CFAP47: variants seen among roughly 807,000 people sequenced by gnomAD.
CFAP47 encodes the protein cilia and flagella associated protein 47, also known as cilia- and flagella-associated protein 47.
A neutral mutation model predicts 148.1 loss-of-function variants in CFAP47; 29 were observed. The observed-to-expected ratio is 0.20, with a 90% CI of 0.15 to 0.27. The LOEUF is 0.27. Ranked by LOEUF, CFAP47 falls within the 10% of genes least tolerant of loss-of-function variation. The pLI is 1.00. For synonymous variants in CFAP47, 664 were observed against 577.3 expected (o/e 1.15, Z -2.15); for missense variants, 1,872 against 1,697.5 (o/e 1.10, Z -1.81).
intron 48 of CFAP47, among the ~76,000 whole-genome samples, chrX:36,237,863 G>T (rs1555995036): frequency 9.0e-6 from 1 of 110,543 alleles, no homozygotes; most frequent in Non-Finnish European, 1.9e-5. Context: ...TGCTTTTTTT[G>T]TAACCCTGAT....
In CFAP47 at chrX:36,172,785, C is replaced by T. The variant is rs773685468; in HGVS notation, c.6027-6560C>T. On this transcript the variant is annotated intron_variant, in intron 39 of 63. Transcript: ENST00000378653. ...CTTTTTTGGTTGTGTCTCTGCCCGG[C>T]TTTGGTATCAGGATGATGCTGGCCT... 7.6e-3 allele frequency among the ~76,000 whole-genome samples: 852 copies of T among 111,503 alleles called. 9 individuals are homozygous for T. Among genetic ancestry groups the T allele is most frequent in the African/African-American group, 0.027 (819 of 30,657 alleles).
intron 34 of CFAP47, 143 bp downstream of exon 34, chrX:36,138,198 C>T (rs2146830831): frequency 1.6e-6 from 1 of 634,756 alleles, no homozygotes; most frequent in Non-Finnish European, 2.2e-6. Context: ...GCCAGCACTA[C>T]CTTTTTGTTT....
chrX:36,247,553 C>T (rs1940632067), intron 48 of CFAP47, among the ~76,000 whole-genome samples: 1 of 111,274 alleles, frequency 9.0e-6, no homozygotes, highest in African/African-American at 3.3e-5. Flanking sequence ...TAGGTGCATA[C>T]TGGAAAAATA....
At chrX:36,131,168 A>C (rs1205398435) in intron 33 of CFAP47, among the ~76,000 whole-genome samples, 1 of 110,985 alleles carries the variant, frequency 9.0e-6, no homozygotes, top group Non-Finnish European at 1.9e-5. Flanking sequence ...AAAACATCTC[A>C]TGTACCCCAT....
intron 21 of CFAP47, among the ~76,000 whole-genome samples, chrX:36,011,977 G>A (rs1237510682): frequency 1.8e-5 from 2 of 111,228 alleles, no homozygotes; most frequent in Non-Finnish European, 3.8e-5. Flanking sequence ...GGGTTTTTAT[G>A]GTTTTTGGTT....
intron 47 of CFAP47, 129 bp from the exon 48 acceptor site, chrX:36,236,557 A>C (rs1449530956): frequency 2.5e-6 from 1 of 404,067 alleles, no homozygotes; most frequent in Non-Finnish European, 4.3e-6. Flanking sequence ...GTGTATTGAA[A>C]AAGTCAATGG....
At chrX:36,100,364 C>G (rs776518750) in intron 32 of CFAP47, among the ~76,000 whole-genome samples, 4 of 112,064 alleles carry the variant, frequency 3.6e-5, no homozygotes, top group Admixed American at 9.5e-5. Flanking sequence ...ACGGTAGTCT[C>G]TTGCTATAAA....
chrX:36,163,263 TATTTTAGTA>T lies in CFAP47; in HGVS notation c.6026+2499_6026+2507del, dbSNP rs1420532436. On this transcript the variant is annotated intron_variant, in intron 39 of 63. Coordinates refer to ENST00000378653, the MANE Select transcript of CFAP47 (RefSeq NM_001304548.2). ...TAGTGATGTTCCTCCTTCTATCCCT[TATTTTAGTA>T]ATTTAATTCGTTTATATTCTTGATC... Among the ~76,000 whole-genome samples, 3 of 112,005 alleles carry T rather than the reference TATTTTAGTA, an allele frequency of 2.7e-5. No individual in the cohort carries two copies. The Admixed American group carries it at 2.9e-4, about 11-fold the overall frequency.
At chrX:36,346,583 C>T (rs906342982) in intron 57 of CFAP47, among the ~76,000 whole-genome samples, 7 of 111,341 alleles carry the variant, frequency 6.3e-5, no homozygotes, top group Non-Finnish European at 1.1e-4. Context: ...CAGAGACTTG[C>T]ACCTGTTATA....
chrX:35,924,165 A>G (rs762485447), intron 1 of CFAP47, among the ~76,000 whole-genome samples: 2 of 102,745 alleles, frequency 1.9e-5, no homozygotes, highest in African/African-American at 3.8e-5. Flanking sequence ...ATATATGTAT[A>G]TATGTACATG....
At chrX:36,104,904 C>G (rs1322158831) in intron 33 of CFAP47, among the ~76,000 whole-genome samples, 1 of 111,911 alleles carries the variant, frequency 8.9e-6, no homozygotes, top group Non-Finnish European at 1.9e-5. Flanking sequence ...GCTTCTTTAA[C>G]TTATTTTGAA....
At chrX:35,969,008 T>C (rs1936451294) in intron 10 of CFAP47, among the ~76,000 whole-genome samples, 1 of 110,196 alleles carries the variant, frequency 9.1e-6, no homozygotes, top group South Asian at 3.7e-4. Context: ...TATATGTATA[T>C]ATCTATATAT....
intron 2 of CFAP47, among the ~76,000 whole-genome samples, chrX:35,927,150 A>G (rs111237415): frequency 0.042 from 4,138 of 97,574 alleles, 199 homozygotes; most frequent in African/African-American, 0.14. Flanking sequence ...GTGAGACCCT[A>G]TCTCAAAAAA....
At chrX:36,105,520 G>T (rs1938451393) in intron 33 of CFAP47, among the ~76,000 whole-genome samples, 1 of 111,970 alleles carries the variant, frequency 8.9e-6, no homozygotes, top group South Asian at 3.6e-4. Flanking sequence ...AATTATGATT[G>T]CCCTTAAATT....
chrX:36,173,937 T>A (rs375465086), intron 39 of CFAP47, among the ~76,000 whole-genome samples: 1 of 111,343 alleles, frequency 9.0e-6, no homozygotes, highest in Admixed American at 9.5e-5. Context: ...GGGAGTCTAA[T>A]TCTCTTTGTA....
chrX:36,385,139 A>G lies in CFAP47; in HGVS notation c.*133A>G, dbSNP rs143146369. 0.029 allele frequency: 13,679 copies of G among 465,686 alleles called. 213 individuals are homozygous for G. The highest frequency in any genetic ancestry group is 0.055 in the Middle Eastern group (95 of 1,729). The allele number at this position is 465,686 out of a possible 1,213,427, so 38.4% of individuals were successfully genotyped here. A position where few individuals can be genotyped will look rare whatever the true frequency, so the allele number is the denominator to read the frequency against. ...ATATTTCCTTGTCTTTTAAAATTCA[A>G]TCTGTTCTCTGAATATATTATACTT... On this transcript the variant is annotated 3_prime_UTR_variant, in exon 64 of 64. Coordinates refer to ENST00000378653, the MANE Select transcript of CFAP47 (RefSeq NM_001304548.2).
intron 40 of CFAP47, among the ~76,000 whole-genome samples, chrX:36,182,530 G>A (rs1398234439): frequency 2.7e-5 from 3 of 111,506 alleles, no homozygotes; most frequent in Non-Finnish European, 3.8e-5. Flanking sequence ...AACGTTACAC[G>A]TTACTTTTAA....
At chrX:36,299,644 C>T (rs1356711052) in intron 52 of CFAP47, among the ~76,000 whole-genome samples, 1 of 111,724 alleles carries the variant, frequency 9.0e-6, no homozygotes, top group African/African-American at 3.3e-5. Context: ...ATTGACCAGT[C>T]TCTCCCCAAA....
At chrX:35,924,133 A>G (rs767862064) in intron 1 of CFAP47, among the ~76,000 whole-genome samples, 2 of 98,166 alleles carry the variant, frequency 2.0e-5, no homozygotes, top group Non-Finnish European at 4.0e-5. Context: ...ACATATATGT[A>G]TATGTGTACA....
Sources: allele counts gnomAD v4.1 joint callset (sites outside exome capture counted in the v4.1 genomes callset), GRCh38; gene constraint gnomAD v4.1.1; transcripts MANE v1.5; gene names NCBI Gene and HGNC (gene_info 2026-07-23, HGNC 2026-07-21).